The following EFNA5 variants were observed in gnomAD, a reference collection of about 807,000 sequenced individuals.
EFNA5 encodes the protein ephrin-A5.
EFNA5 carries 5 observed loss-of-function variants against 22.9 expected under a neutral mutation model. The observed-to-expected ratio is 0.22, with a 90% confidence interval of 0.11 to 0.46. The LOEUF (loss-of-function observed/expected upper bound fraction) is 0.46. Among genes scored for constraint, EFNA5 ranks in the 20% least tolerant of loss-of-function variants. EFNA5 has a pLI of 0.99. For synonymous variants in EFNA5, 113 were observed against 112.2 expected (o/e 1.01, Z -0.04); for missense variants, 237 against 293.3 (o/e 0.81, Z 1.40).
At chr5:107,662,288 T>A (rs1750979705) in intron 1 of EFNA5, among the ~76,000 whole-genome samples, 2 of 152,184 alleles carry the variant, frequency 1.3e-5, no homozygotes, top group Admixed American at 1.3e-4. Context: ...CCCAAAATCC[T>A]ACCTCTAATG....
intron 1 of EFNA5, among the ~76,000 whole-genome samples, chr5:107,656,030 T>G (rs1750814158): frequency 6.6e-6 from 1 of 152,138 alleles, no homozygotes; most frequent in African/African-American, 2.4e-5. Flanking sequence ...CAGCTGCCCG[T>G]AAGGAGCAGG....
At chr5:107,442,486 C>T (rs1749281328) in intron 1 of EFNA5, among the ~76,000 whole-genome samples, 1 of 152,124 alleles carries the variant, frequency 6.6e-6, no homozygotes, top group Admixed American at 6.5e-5. Context: ...CAACCCTGCC[C>T]TGTAAGAAGA....
At chr5:107,515,068 A>G (rs1318995722) in intron 1 of EFNA5, among the ~76,000 whole-genome samples, 1 of 152,172 alleles carries the variant, frequency 6.6e-6, no homozygotes, top group Non-Finnish European at 1.5e-5. Flanking sequence ...ACTGTCAAGG[A>G]GCAGACAAGA....
intron 2 of EFNA5, among the ~76,000 whole-genome samples, chr5:107,414,944 T>G (rs1210735007): frequency 6.6e-6 from 1 of 152,130 alleles, no homozygotes. Context: ...TCTGCATAAG[T>G]ACCAGTACTA....
chr5:107,436,525 A>C (rs1749114507), intron 1 of EFNA5, among the ~76,000 whole-genome samples: 3 of 152,200 alleles, frequency 2.0e-5, no homozygotes, highest in Admixed American at 1.3e-4. Flanking sequence ...CAATCAGTAT[A>C]GTCCTAACAG....
At chr5:107,466,660 T>G (rs981322770) in intron 1 of EFNA5, among the ~76,000 whole-genome samples, 4 of 152,192 alleles carry the variant, frequency 2.6e-5, no homozygotes, top group African/African-American at 9.6e-5. Flanking sequence ...GATCTCCTGT[T>G]TGTACACCAC....
At position 107,658,517 on chromosome 5, in the gene EFNA5, A is replaced by G. The variant is rs987683708; in HGVS notation, c.125+11972T>C. 7.2e-5 allele frequency among the ~76,000 whole-genome samples: 11 copies of G among 152,346 alleles called. 1 individual carries two copies. Among genetic ancestry groups the G allele is most frequent in the Admixed American group, 3.3e-4 (5 of 15,298 alleles). ...GAGTTTTGAAGGAAAGTGGTTAGAA[A>G]GGAACATTAGGCATTCTGGGCTTCT... On this transcript the variant is annotated intron_variant, in intron 1 of 4. Coordinates refer to ENST00000333274, the MANE Select transcript of EFNA5 (RefSeq NM_001962.3).
intron 1 of EFNA5, among the ~76,000 whole-genome samples, chr5:107,476,009 A>C (rs1750275286): frequency 1.4e-5 from 1 of 70,600 alleles, no homozygotes; most frequent in Non-Finnish European, 2.7e-5. Flanking sequence ...ATAAAACATG[A>C]GATGGAAGAT....
chr5:107,418,392 G>A, intron 2 of EFNA5, among the ~76,000 whole-genome samples: 1 of 152,176 alleles, frequency 6.6e-6, no homozygotes, highest in East Asian at 1.9e-4. Flanking sequence ...GCTTCCCTGT[G>A]AAATTACACA....
intron 1 of EFNA5, among the ~76,000 whole-genome samples, chr5:107,541,849 T>C (rs996190485): frequency 1.3e-5 from 2 of 152,224 alleles, no homozygotes; most frequent in Non-Finnish European, 2.9e-5. Flanking sequence ...CCAGCCACCA[T>C]TTTAATTATT....
At chr5:107,484,593 C>A (rs1184746464) in intron 1 of EFNA5, among the ~76,000 whole-genome samples, 3 of 152,114 alleles carry the variant, frequency 2.0e-5, no homozygotes, top group African/African-American at 7.2e-5. Context: ...TATAATTGCC[C>A]AAGATTTTAC....
chr5:107,670,935 G>T lies in EFNA5; in HGVS notation c.-322C>A. The stretch of plus-strand genomic sequence containing the variant: ...TGGCGGCGGCGAGGGCGGGGGAAGA[G>T]GTGCCAAGCTGTGTCTCGGGCGGCG... On this transcript the variant is annotated 5_prime_UTR_variant, in exon 1 of 5. Coordinates refer to ENST00000333274, the MANE Select transcript of EFNA5 (RefSeq NM_001962.3). The T allele has an allele frequency of 3.7e-6, 1 of 272,856 alleles. No homozygotes were observed. The highest frequency in any genetic ancestry group is 6.8e-6 in the Non-Finnish European group (1 of 146,730). 16.9% of individuals were successfully genotyped at this position (272,856 alleles called of 1,614,324 possible).
intron 4 of EFNA5, among the ~76,000 whole-genome samples, chr5:107,382,384 T>A (rs1191448120): frequency 3.3e-5 from 5 of 152,142 alleles, no homozygotes; most frequent in Admixed American, 3.3e-4. Context: ...TAATTAATAT[T>A]TTTTTAGAGG....
intron 2 of EFNA5, among the ~76,000 whole-genome samples, chr5:107,423,221 C>T (rs1748717471): frequency 6.6e-6 from 1 of 152,064 alleles, no homozygotes; most frequent in Non-Finnish European, 1.5e-5. Context: ...CTCAGTTTTC[C>T]TTACTTTATA....
chr5:107,606,279 T>TTA (rs1749710678), intron 1 of EFNA5, among the ~76,000 whole-genome samples: 3 of 152,288 alleles, frequency 2.0e-5, no homozygotes, highest in African/African-American at 7.2e-5. Context: ...TTTCACCAGC[T>TTA]CATATGATTT....
At chr5:107,415,187 A>G (rs1489093117) in intron 2 of EFNA5, among the ~76,000 whole-genome samples, 5 of 152,140 alleles carry the variant, frequency 3.3e-5, no homozygotes, top group African/African-American at 9.7e-5. Flanking sequence ...TTATATATAT[A>G]TATATACATA....
chr5:107,417,585 T>C (rs1380235456), intron 2 of EFNA5, among the ~76,000 whole-genome samples: 1 of 152,108 alleles, frequency 6.6e-6, no homozygotes, highest in Admixed American at 6.5e-5. Flanking sequence ...GCATTAATAA[T>C]AAAGAAAGAG....
At chr5:107,541,227 T>TTAACATA (rs1748040623) in intron 1 of EFNA5, among the ~76,000 whole-genome samples, 1 of 152,204 alleles carries the variant, frequency 6.6e-6, no homozygotes, top group Non-Finnish European at 1.5e-5. Context: ...TACATAATTA[T>TTAACATA]ATTCACGGTA....
At chr5:107,508,848 A>G (rs1747303073) in intron 1 of EFNA5, among the ~76,000 whole-genome samples, 1 of 152,198 alleles carries the variant, frequency 6.6e-6, no homozygotes, top group African/African-American at 2.4e-5. Context: ...CTCATGTCCA[A>G]TGTCATTACA....
Sources: gnomAD v4.1 joint callset for allele counts (sites outside exome capture counted in the v4.1 genomes callset) on GRCh38, gnomAD v4.1.1 for gene constraint, MANE v1.5 for transcripts, NCBI Gene and HGNC (gene_info 2026-07-23, HGNC 2026-07-21) for gene names.